Variants in NLRP13 observed in about 807,000 individuals in gnomAD.
The protein encoded by NLRP13 is NLR family pyrin domain containing 13.
In NLRP13, 82 loss-of-function variants were observed where a neutral mutation model predicts 94.4. The observed-to-expected ratio is 0.87, with a 90% CI of 0.73 to 1.04. The LOEUF (loss-of-function observed/expected upper bound fraction) is 1.04. Among genes scored for constraint, NLRP13 ranks in the 50% least tolerant of loss-of-function variants. The pLI, the probability that NLRP13 is intolerant of heterozygous loss-of-function variation, is 0.00. For synonymous variants in NLRP13, 553 were observed against 464.7 expected, an observed-to-expected ratio of 1.19 and a Z score of -2.45; for missense variants, 1,426 against 1,230.8, an observed-to-expected ratio of 1.16 and a Z score of -2.37.
intron 4 of NLRP13, among the ~76,000 whole-genome samples, chr19:55,916,403 A>T (rs1167347022): frequency 3.3e-5 from 5 of 152,234 alleles, no homozygotes; most frequent in Non-Finnish European, 7.3e-5. Flanking sequence ...CAGATAAATA[A>T]TTTAAAATAT....
intron 9 of NLRP13, 117 bp from the exon 10 acceptor site, chr19:55,899,054 T>G: frequency 1.8e-6 from 2 of 1,106,814 alleles, no homozygotes; most frequent in Non-Finnish European, 2.5e-6. Flanking sequence ...CAGACTTTTG[T>G]CCCAAGCCTC....
intron 4 of NLRP13, among the ~76,000 whole-genome samples, chr19:55,915,472 C>T (rs1986652499): frequency 6.6e-6 from 1 of 152,220 alleles, no homozygotes; most frequent in African/African-American, 2.4e-5. Flanking sequence ...GTGGCACGCG[C>T]CTGTAATCCC....
chr19:55,917,624 C>T (rs2123132748), intron 4 of NLRP13, among the ~76,000 whole-genome samples: 1 of 151,884 alleles, frequency 6.6e-6, no homozygotes, highest in East Asian at 1.9e-4. Flanking sequence ...ACTGGAGTAG[C>T]TATACTTATA....
chr19:55,919,934 C>T (rs1033057448), intron 4 of NLRP13, among the ~76,000 whole-genome samples: 2 of 152,202 alleles, frequency 1.3e-5, no homozygotes, highest in South Asian at 4.1e-4. Flanking sequence ...TCAAATTATA[C>T]TACCAGGATA....
At chr19:55,914,538 A>G in intron 4 of NLRP13, among the ~76,000 whole-genome samples, 1 of 152,222 alleles carries the variant, frequency 6.6e-6, no homozygotes, top group East Asian at 1.9e-4. Flanking sequence ...CCCCATCAGT[A>G]TATGTAACTA....
intron 4 of NLRP13, among the ~76,000 whole-genome samples, chr19:55,922,357 C>G (rs978049160): frequency 6.6e-6 from 1 of 151,920 alleles, no homozygotes; most frequent in Non-Finnish European, 1.5e-5. Context: ...CAGATGGAGT[C>G]TTGCTCTGTC....
At chr19:55,900,818 C>T (rs1345729975) in intron 9 of NLRP13, among the ~76,000 whole-genome samples, 1 of 150,816 alleles carries the variant, frequency 6.6e-6, no homozygotes, top group African/African-American at 2.4e-5. Flanking sequence ...CCATTTGACC[C>T]AGCAATCCCA....
At chr19:55,921,963 G>A (rs989429845) in intron 4 of NLRP13, among the ~76,000 whole-genome samples, 1 of 152,212 alleles carries the variant, frequency 6.6e-6, no homozygotes, top group African/African-American at 2.4e-5. Flanking sequence ...CCAAGAGTAG[G>A]TAATTTATAA....
At chr19:55,913,548 CAAAAAA>C (rs10530056) in intron 4 of NLRP13, among the ~76,000 whole-genome samples, 40 of 52,062 alleles carry the variant, frequency 7.7e-4, no homozygotes, top group Admixed American at 6.9e-4. Context: ...GACTCCGTCT[CAAAAAA>C]AAAAAAAAAA....
chr19:55,917,374 A>G (rs1404838733), intron 4 of NLRP13, among the ~76,000 whole-genome samples: 2 of 152,150 alleles, frequency 1.3e-5, no homozygotes, highest in Non-Finnish European at 2.9e-5. Context: ...AAGAACAAAA[A>G]AATCTGCAAA....
chr19:55,904,923 G>C lies in NLRP13; in HGVS notation c.2618+19C>G. ...TGCCCATAGAGTCATATCTAGAAAT[G>C]GAAGTAGGGAAAACTTACTCCAGTC... On this transcript the variant is annotated intron_variant, in intron 8 of 10. Transcript: ENST00000342929. 7 of 1,604,034 alleles carry C rather than the reference G, an allele frequency of 4.4e-6. No homozygotes were observed. Among genetic ancestry groups the C allele is most frequent in the East Asian group, 2.2e-5 (1 of 44,726 alleles).
chr19:55,924,329 G>T (rs1016121845), intron 3 of NLRP13, among the ~76,000 whole-genome samples: 2 of 152,002 alleles, frequency 1.3e-5, no homozygotes. Flanking sequence ...CATCATGTTG[G>T]CAAGGCTGGT....
rs765604384 is a variant in NLRP13 at position 55,925,114 on chromosome 19, A to G, written c.320-79T>C. On this transcript the variant is annotated intron_variant, in intron 1 of 10. Transcript: ENST00000342929. Reference sequence around the variant, plus strand: ...AGCAATAATGGAGTCTCTCAGTAGAACCAACTCCTTCTATGACAAACTGGA... The same window carrying G: ...AGCAATAATGGAGTCTCTCAGTAGAGCCAACTCCTTCTATGACAAACTGGA... The G allele has an allele frequency of 7.5e-5, 94 of 1,259,676 alleles. No homozygotes were observed. The Middle Eastern group carries it at 1.3e-3, about 17-fold the overall frequency. The allele number at this position is 1,259,676 out of a possible 1,614,324, so 78.0% of individuals were successfully genotyped here.
At chr19:55,898,968 A>C (rs1986091945) in intron 9 of NLRP13, 31 bp from the exon 10 acceptor site, 1 of 1,592,886 alleles carries the variant, frequency 6.3e-7, no homozygotes, top group East Asian at 2.3e-5. Flanking sequence ...AAAGGGGGGA[A>C]AGTAATTGCG....
rs770184597 is a variant in NLRP13 at position 55,912,607 on chromosome 19, C to T, written c.1210G>A (p.Glu404Lys). ...YFMRHFDDSS[E>K]VEKILQQLRK... ...AGCTGCTGCAGGATTTTCTCAACTT[C>T]ACTTGAGTCATCAAAGTGTCTCATG... The change falls in exon 5 of 11, where the codon GAA becomes AAA. Residue 404 changes from glutamate (E) to lysine (K), a missense_variant. Glu to Lys is a moderately conservative substitution (Grantham distance 56). Coordinates refer to ENST00000342929, the MANE Select transcript of NLRP13 (RefSeq NM_176810.2). 3.1e-6 allele frequency: 5 copies of T among 1,614,098 alleles called. No individual in the cohort carries two copies. The highest frequency in any genetic ancestry group is 2.7e-5 in the African/African-American group (2 of 74,948).
chr19:55,910,774 G>T lies in NLRP13; in HGVS notation c.2112-41C>A, dbSNP rs940709003. The T allele has an allele frequency of 2.0e-6, 3 of 1,517,390 alleles. No homozygotes were observed. The African/African-American group carries it at 4.1e-5, about 21-fold the overall frequency. 94.0% of individuals were successfully genotyped at this position (1,517,390 alleles called of 1,614,324 possible). On this transcript the variant is annotated intron_variant, in intron 5 of 10. Coordinates refer to ENST00000342929, the MANE Select transcript of NLRP13 (RefSeq NM_176810.2). ...ACAGAACACGGATAAGAGCAAATTAGCCTCAAGCAATACCCAGAATACAAC... is the reference window on the plus strand; with the variant it reads ...ACAGAACACGGATAAGAGCAAATTATCCTCAAGCAATACCCAGAATACAAC...
chr19:55,930,819 A>C (rs1276966947), intron 1 of NLRP13, among the ~76,000 whole-genome samples: 1 of 135,712 alleles, frequency 7.4e-6, no homozygotes, highest in Non-Finnish European at 1.6e-5. Context: ...AACTCACCAC[A>C]GCAGATTACA....
intron 6 of NLRP13, among the ~76,000 whole-genome samples, chr19:55,909,948 C>A (rs1285128163): frequency 1.3e-5 from 2 of 152,118 alleles, no homozygotes; most frequent in Non-Finnish European, 2.9e-5. Flanking sequence ...CCTTTCCTAC[C>A]TAAAAAATGC....
intron 1 of NLRP13, among the ~76,000 whole-genome samples, chr19:55,930,080 G>A (rs35081406): frequency 0.18 from 28,018 of 151,892 alleles, 2,817 homozygotes; most frequent in African/African-American, 0.26. Context: ...CACAAAGCCC[G>A]AACTTGTATG....
Sources: gnomAD v4.1 joint callset for allele counts (sites outside exome capture counted in the v4.1 genomes callset) on GRCh38, gnomAD v4.1.1 for gene constraint, MANE v1.5 for transcripts, NCBI Gene and HGNC (gene_info 2026-07-23, HGNC 2026-07-21) for gene names.